The following CENPF variants were observed in gnomAD, a reference collection of about 807,000 sequenced individuals.
The protein encoded by CENPF is centromere protein F, also known as AH antigen.
Under a neutral mutation model 307.3 loss-of-function variants are expected in CENPF, and 214 were observed. The ratio of observed to expected loss-of-function variants is 0.70; its 90% CI spans 0.62 to 0.78. The LOEUF is 0.78. Ranked by LOEUF, CENPF falls within the 30% of genes least tolerant of loss-of-function variation. CENPF has a pLI of 0.00. For synonymous variants in CENPF, 1,259 were observed against 1,270.6 expected, an observed-to-expected ratio of 0.99 and a Z score of 0.19; for missense variants, 3,401 against 3,483.9, an observed-to-expected ratio of 0.98 and a Z score of 0.60.
At chr1:214,613,462 A>T (rs1214735355) in intron 1 of CENPF, 6 of 232,972 alleles carry the variant, frequency 2.6e-5, no homozygotes, top group Admixed American at 1.7e-4. Flanking sequence ...GCAGGTAGTG[A>T]TATAAGAAGT....
chr1:214,633,440 CAAG>C (rs1391602837), intron 10 of CENPF, among the ~76,000 whole-genome samples: 2 of 152,176 alleles, frequency 1.3e-5, no homozygotes, highest in Non-Finnish European at 2.9e-5. Context: ...AGGAACAACA[CAAG>C]AATGGTAGAA....
intron 1 of CENPF, among the ~76,000 whole-genome samples, chr1:214,611,341 C>T (rs775367711): frequency 3.0e-4 from 46 of 151,840 alleles, no homozygotes; most frequent in Admixed American, 7.2e-4. Context: ...TTGTGTCACT[C>T]TGATTTCTTT....
Position 214,641,396 on chromosome 1 carries a change from C to A in CENPF, c.3058C>A (p.Gln1020Lys). The A allele has an allele frequency of 6.3e-7, 1 of 1,580,422 alleles. No individual in the cohort carries two copies. ...TTCAGAGTTATCTGATCAGTACAAG[C>A]AAGAAAAACTTATTTTACTACAAAG... ...SISELSDQYK[Q>K]EKLILLQRCE... The change falls in exon 12 of 20, where the codon CAA (glutamine) becomes AAA (lysine). Residue 1020 changes from glutamine to lysine, a missense_variant. Coordinates refer to ENST00000366955, the MANE Select transcript of CENPF (RefSeq NM_016343.4).
At chr1:214,628,026 C>T (rs1657702301) in intron 7 of CENPF, among the ~76,000 whole-genome samples, 2 of 152,110 alleles carry the variant, frequency 1.3e-5, no homozygotes, top group South Asian at 4.1e-4. Context: ...GGCAGCAGAC[C>T]TGGAGTTCAG....
At chr1:214,609,563 C>T (rs114944407) in intron 1 of CENPF, among the ~76,000 whole-genome samples, 3,106 of 152,186 alleles carry the variant, frequency 0.02, 46 homozygotes, top group African/African-American at 0.043. Context: ...CACCTGAAAA[C>T]CTTATGGCAA....
At chr1:214,661,556 A>C (rs1046760874) in intron 19 of CENPF, among the ~76,000 whole-genome samples, 1 of 152,194 alleles carries the variant, frequency 6.6e-6, no homozygotes, top group Non-Finnish European at 1.5e-5. Flanking sequence ...CAAAGGGGAA[A>C]AAACTGGCAA....
intron 18 of CENPF, among the ~76,000 whole-genome samples, chr1:214,658,053 G>A (rs968472956): frequency 1.3e-5 from 2 of 151,990 alleles, no homozygotes; most frequent in Non-Finnish European, 2.9e-5. Context: ...GAAATTCTTC[G>A]AACCCCCTCT....
In CENPF at chr1:214,622,659, G is replaced by A. The variant is rs193148712; in HGVS notation, c.1068+378G>A. On this transcript the variant is annotated intron_variant, in intron 7 of 19. Coordinates refer to ENST00000366955, the MANE Select transcript of CENPF (RefSeq NM_016343.4). The stretch of plus-strand genomic sequence containing the variant: ...ATTTAATTAATCTGCTCTTGGGATC[G>A]TATATATAGTTGGTCCATTGTACCC... 2.7e-3 allele frequency among the ~76,000 whole-genome samples: 416 copies of A among 152,134 alleles called. 2 individuals are homozygous for A. Among genetic ancestry groups the A allele is most frequent in the African/African-American group, 9.4e-3 (388 of 41,446 alleles).
intron 1 of CENPF, chr1:214,605,946 C>A (rs1657015442): frequency 1.3e-6 from 2 of 1,597,336 alleles, no homozygotes; most frequent in Non-Finnish European, 1.7e-6. Flanking sequence ...TCGGGGAAGG[C>A]GACGCGCATG....
chr1:214,624,363 ATATAT>A (rs1414850747), intron 7 of CENPF, among the ~76,000 whole-genome samples: 1 of 151,436 alleles, frequency 6.6e-6, no homozygotes, highest in African/African-American at 2.4e-5. Flanking sequence ...TTCTTTCTTT[ATATAT>A]TAAGTAGAAT....
At chr1:214,621,578 A>G (rs928096349) in intron 6 of CENPF, among the ~76,000 whole-genome samples, 1 of 152,100 alleles carries the variant, frequency 6.6e-6, no homozygotes, top group Non-Finnish European at 1.5e-5. Context: ...AAAAAAGTGG[A>G]AAAAAAATCA....
chr1:214,654,346 G>T (rs529933773), intron 16 of CENPF: 1 of 152,508 alleles, frequency 6.6e-6, no homozygotes, highest in East Asian at 1.9e-4. Context: ...GCCAGGGCAG[G>T]AGGATCACTT....
chr1:214,639,832 T>G, intron 11 of CENPF, 89 bp from the exon 12 acceptor site: 18 of 637,580 alleles, frequency 2.8e-5, no homozygotes, highest in Admixed American at 4.0e-5. Flanking sequence ...TTTGTTTGGA[T>G]TTTGCCAGGG....
intron 1 of CENPF, among the ~76,000 whole-genome samples, chr1:214,610,822 A>C (rs1163827484): frequency 1.3e-5 from 2 of 152,068 alleles, no homozygotes; most frequent in Non-Finnish European, 2.9e-5. Flanking sequence ...TTGGGGTTTT[A>C]CATTTAAGTC....
intron 6 of CENPF, among the ~76,000 whole-genome samples, chr1:214,621,541 T>C (rs1657506229): frequency 6.6e-6 from 1 of 152,174 alleles, no homozygotes; most frequent in African/African-American, 2.4e-5. Flanking sequence ...GCCAATGCCA[T>C]TGGAACCAAT....
chr1:214,656,802 G>T, intron 17 of CENPF, 131 bp from the exon 18 acceptor site: 6 of 640,000 alleles, frequency 9.4e-6, no homozygotes, highest in Non-Finnish European at 1.3e-5. Flanking sequence ...AACATATACA[G>T]ATATATCTCC....
At position 214,646,636 on chromosome 1, in the gene CENPF, G is replaced by A; in HGVS notation, c.7066G>A (p.Ala2356Thr). Residue 2356 changes from alanine (A) to threonine (T), a missense_variant, in exon 13 of 20, where the codon GCT becomes ACT. Physicochemically the swap from Ala to Thr is moderately conservative, Grantham distance 58 (BLOSUM62 0). Transcript: ENST00000366955. Reference sequence around the variant, plus strand: ...AGCCAGGACAAACCAAGAGCATGCAGCTCTTGAGGCAGAGAATTCCAAAGG... The same window carrying A: ...AGCCAGGACAAACCAAGAGCATGCAACTCTTGAGGCAGAGAATTCCAAAGG... Reference protein sequence around the residue: ...EIARTNQEHAALEAENSKGEV... With the variant: ...EIARTNQEHATLEAENSKGEV... 1 of 1,614,010 alleles carries A rather than the reference G, an allele frequency of 6.2e-7. No individual in the cohort carries two copies. The highest frequency in any genetic ancestry group is 8.5e-7 in the Non-Finnish European group (1 of 1,179,968).
intron 7 of CENPF, among the ~76,000 whole-genome samples, chr1:214,623,190 G>T (rs990515425): frequency 1.3e-5 from 2 of 152,306 alleles, no homozygotes; most frequent in African/African-American, 2.4e-5. Flanking sequence ...CAGCTTGGGT[G>T]ACAGGGTGAG....
intron 1 of CENPF, chr1:214,608,172 G>A (rs150010650): frequency 2.3e-5 from 20 of 878,876 alleles, no homozygotes; most frequent in Non-Finnish European, 3.1e-5. Context: ...TCGCCTGTCC[G>A]GCTCTCTGGC....
Sources: allele counts gnomAD v4.1 joint callset (sites outside exome capture counted in the v4.1 genomes callset), GRCh38; gene constraint gnomAD v4.1.1; transcripts MANE v1.5; gene names NCBI Gene and HGNC (gene_info 2026-07-23, HGNC 2026-07-21).